The following DCC variants were observed in gnomAD, a reference collection of about 807,000 sequenced individuals.
DCC encodes the protein netrin receptor DCC.
DCC carries 58 observed loss-of-function variants against 172.5 expected under a neutral mutation model. The ratio of observed to expected loss-of-function variants is 0.34; its 90% CI spans 0.27 to 0.42. The LOEUF (loss-of-function observed/expected upper bound fraction) is 0.42, where lower values mean the gene tolerates loss of function less well. Among genes scored for constraint, DCC ranks in the 10% least tolerant of loss-of-function variants. The pLI is 1.00. For synonymous variants in DCC, 709 were observed against 644.5 expected, an observed-to-expected ratio of 1.10 and a Z score of -1.52; for missense variants, 1,740 against 1,791.0, an observed-to-expected ratio of 0.97 and a Z score of 0.51.
intron 18 of DCC, among the ~76,000 whole-genome samples, chr18:53,401,734 C>T (rs902570559): frequency 6.6e-6 from 1 of 152,088 alleles, no homozygotes; most frequent in African/African-American, 2.4e-5. Context: ...CTAAGGGTAG[C>T]AAAGTTGCCG....
In DCC at chr18:53,293,929, C is replaced by T. The variant is rs150144933; in HGVS notation, c.1912-11649C>T. ...ACTGGGCTTCCTGTGTCTCTGTGAA[C>T]AGTCATAGATTGGGGACCTCACAAT... On this transcript the variant is annotated intron_variant, in intron 12 of 28. Coordinates refer to ENST00000442544, the MANE Select transcript of DCC (RefSeq NM_005215.4). Among the ~76,000 whole-genome samples the T allele has an allele frequency of 5.4e-3, 818 of 152,274 alleles. 6 individuals carry two copies. The highest frequency in any genetic ancestry group is 0.023 in the Admixed American group (347 of 15,280).
At chr18:52,806,615 G>C (rs981913216) in intron 2 of DCC, among the ~76,000 whole-genome samples, 1 of 152,166 alleles carries the variant, frequency 6.6e-6, no homozygotes, top group African/African-American at 2.4e-5. Context: ...AAGTGGTTGG[G>C]CATTAAAAGA....
intron 28 of DCC, among the ~76,000 whole-genome samples, chr18:53,529,073 CACACACACACAT>C (rs2046496079): frequency 6.6e-6 from 1 of 150,526 alleles, no homozygotes; most frequent in African/African-American, 2.5e-5. Context: ...CACACACACA[CACACACACACAT>C]TGTATGTATA....
At chr18:52,471,932 A>G (rs1988958441) in intron 1 of DCC, among the ~76,000 whole-genome samples, 1 of 152,170 alleles carries the variant, frequency 6.6e-6, no homozygotes, top group African/African-American at 2.4e-5. Context: ...TCCAACAATG[A>G]AGTCAGTTTT....
intron 1 of DCC, among the ~76,000 whole-genome samples, chr18:52,696,823 G>A (rs2036019271): frequency 6.6e-6 from 1 of 152,200 alleles, no homozygotes; most frequent in Non-Finnish European, 1.5e-5. Context: ...AATATAGTCA[G>A]GTGAATGTCT....
In DCC at chr18:52,399,675, C is replaced by G. The variant is rs549532801; in HGVS notation, c.91+58797C>G. On this transcript the variant is annotated intron_variant, in intron 1 of 28. Transcript: ENST00000442544. ...AAAAGCCTTCCTAAATTTTATGAAA[C>G]AGAGGTATTTGTTCTCACTTTTCTG... Among the ~76,000 whole-genome samples the G allele has an allele frequency of 5.9e-5, 9 of 152,038 alleles. No individual in the cohort carries two copies. In the East Asian group the frequency reaches 1.6e-3, roughly 26 times the overall value.
At position 53,459,216 on chromosome 18, in the gene DCC, T is replaced by C. The variant is rs1276466587; in HGVS notation, c.3393-16T>C. 1.2e-6 allele frequency: 2 copies of C among 1,606,810 alleles called. No homozygotes were observed. The highest frequency in any genetic ancestry group is 1.6e-4 in the Middle Eastern group (1 of 6,064). On this transcript the variant is annotated splice_polypyrimidine_tract_variant and intron_variant, in intron 23 of 28. Coordinates refer to ENST00000442544, the MANE Select transcript of DCC (RefSeq NM_005215.4). ...AATAGAGGTTCTCACATTTGCCTTC[T>C]AACTTTGTTCCATAGGAAACGGGCC... is the stretch of plus-strand genomic sequence containing the variant.
At chr18:52,879,327 C>A (rs1244825087) in intron 2 of DCC, among the ~76,000 whole-genome samples, 1 of 148,820 alleles carries the variant, frequency 6.7e-6, no homozygotes, top group Non-Finnish European at 1.5e-5. Context: ...GTTGATCACA[C>A]AAGTCAATCA....
At position 53,416,157 on chromosome 18, in the gene DCC, G is replaced by A; in HGVS notation, c.3163+1G>A. 6.2e-7 allele frequency: 1 copy of A among 1,605,038 alleles called. No homozygotes were observed. Among genetic ancestry groups the A allele is most frequent in the Non-Finnish European group, 8.5e-7 (1 of 1,171,900 alleles). ...CCTGACAAAATGGCTAATGACCAAG[G>A]TATGGTGGCTCAATCTGTCATTTTG... On this transcript the variant is annotated splice_donor_variant, in intron 21 of 28. Coordinates refer to ENST00000442544, the MANE Select transcript of DCC (RefSeq NM_005215.4). LOFTEE classifies it high-confidence loss of function.
At chr18:53,156,622 A>G (rs996390983) in intron 7 of DCC, among the ~76,000 whole-genome samples, 2 of 152,116 alleles carry the variant, frequency 1.3e-5, no homozygotes, top group Non-Finnish European at 2.9e-5. Context: ...ATTTTTTTCT[A>G]CAGTAATAAC....
At position 53,468,379 on chromosome 18, in the gene DCC, A is replaced by T. The variant is rs2036413; in HGVS notation, c.3736+369A>T. On this transcript the variant is annotated intron_variant, in intron 25 of 28. Coordinates refer to ENST00000442544, the MANE Select transcript of DCC (RefSeq NM_005215.4). Reference sequence around the variant, plus strand: ...ATTTATTTATTTTATTTATTTATTTATTTTATTTATTTATTTATTTTGAGA... The same window carrying T: ...ATTTATTTATTTTATTTATTTATTTTTTTTATTTATTTATTTATTTTGAGA... Among the ~76,000 whole-genome samples the T allele has an allele frequency of 8.5e-3, 586 of 68,800 alleles. 14 individuals carry two copies. Among genetic ancestry groups the T allele is most frequent in the Middle Eastern group, 0.024 (3 of 126 alleles). 45.1% of individuals were successfully genotyped at this position (68,800 alleles called of 152,430 possible).
intron 2 of DCC, among the ~76,000 whole-genome samples, chr18:52,826,673 T>C (rs1460782583): frequency 2.0e-5 from 3 of 152,018 alleles, no homozygotes; most frequent in Non-Finnish European, 1.5e-5. Context: ...GAGATGGGGT[T>C]TCACCATGTT....
intron 5 of DCC, among the ~76,000 whole-genome samples, chr18:53,047,259 TA>T (rs2042253345): frequency 1.0e-3 from 12 of 11,686 alleles, no homozygotes; most frequent in African/African-American, 0.01. Flanking sequence ...TATATATATA[TA>T]TATATATATA....
intron 3 of DCC, among the ~76,000 whole-genome samples, chr18:52,918,123 T>C (rs1446322195): frequency 6.6e-6 from 1 of 152,154 alleles, no homozygotes; most frequent in Non-Finnish European, 1.5e-5. Context: ...TCTTAGAGAA[T>C]AAAATGGAAA....
intron 12 of DCC, among the ~76,000 whole-genome samples, chr18:53,294,330 C>T (rs1357209085): frequency 6.6e-6 from 1 of 152,022 alleles, no homozygotes; most frequent in Non-Finnish European, 1.5e-5. Flanking sequence ...GAGGGCTGTG[C>T]CCTAAACCAG....
chr18:53,427,543 A>G (rs184970490), intron 21 of DCC, among the ~76,000 whole-genome samples: 1 of 147,734 alleles, frequency 6.8e-6, no homozygotes, highest in African/African-American at 2.4e-5. Flanking sequence ...GCAGCTGACA[A>G]GTTATCAGCA....
At chr18:52,991,596 C>T (rs970422607) in intron 5 of DCC, among the ~76,000 whole-genome samples, 1 of 152,172 alleles carries the variant, frequency 6.6e-6, no homozygotes, top group South Asian at 2.1e-4. Flanking sequence ...TTCACCCATT[C>T]CCTCTTTGTG....
At chr18:52,659,362 C>A (rs1483053726) in intron 1 of DCC, among the ~76,000 whole-genome samples, 1 of 152,168 alleles carries the variant, frequency 6.6e-6, no homozygotes. Flanking sequence ...ATATTATTGC[C>A]TGGAGGGAGT....
intron 2 of DCC, among the ~76,000 whole-genome samples, chr18:52,845,706 A>G (rs148370135): frequency 1.3e-5 from 2 of 152,352 alleles, no homozygotes; most frequent in East Asian, 3.9e-4. Context: ...TTTTAGAAGA[A>G]AAACTTCAGG....
Sources: allele counts gnomAD v4.1 joint callset (sites outside exome capture counted in the v4.1 genomes callset), GRCh38; gene constraint gnomAD v4.1.1; transcripts MANE v1.5; gene names NCBI Gene and HGNC (gene_info 2026-07-23, HGNC 2026-07-21).